GRM5: variants seen among roughly 807,000 people sequenced by gnomAD.
GRM5 encodes the protein metabotropic glutamate receptor 5.
A neutral mutation model predicts 83.1 loss-of-function variants in GRM5; 19 were observed. The ratio of observed to expected loss-of-function variants is 0.23; its 90% CI spans 0.16 to 0.34. The LOEUF (loss-of-function observed/expected upper bound fraction) is 0.34, where lower values mean the gene tolerates loss of function less well. Ranked by LOEUF, GRM5 falls within the 10% of genes least tolerant of loss-of-function variation. The pLI, the probability that GRM5 is intolerant of heterozygous loss-of-function variation, is 1.00. For synonymous variants in GRM5, 675 were observed against 633.6 expected, an observed-to-expected ratio of 1.07 and a Z score of -0.98; for missense variants, 1,160 against 1,588.3, an observed-to-expected ratio of 0.73 and a Z score of 4.58.
At chr11:89,055,855 G>T (rs1195677176) in intron 1 of GRM5, among the ~76,000 whole-genome samples, 2 of 152,054 alleles carry the variant, frequency 1.3e-5, no homozygotes, top group African/African-American at 4.8e-5. Context: ...TATCTCACAT[G>T]AAATGACATT....
At chr11:88,697,312 G>C (rs919076995) in intron 3 of GRM5, among the ~76,000 whole-genome samples, 1 of 152,168 alleles carries the variant, frequency 6.6e-6, no homozygotes, top group African/African-American at 2.4e-5. Flanking sequence ...GTAGTGCCAT[G>C]ATGACCCTTG....
chr11:88,659,748 G>A (rs1056382603), intron 3 of GRM5, among the ~76,000 whole-genome samples: 12 of 152,106 alleles, frequency 7.9e-5, no homozygotes, highest in African/African-American at 2.9e-4. Context: ...ATGCTAACAG[G>A]AATATATAAA....
intron 2 of GRM5, among the ~76,000 whole-genome samples, chr11:89,029,172 G>T (rs1028309271): frequency 1.3e-5 from 2 of 152,114 alleles, no homozygotes; most frequent in South Asian, 2.1e-4. Flanking sequence ...TCCTTATCCA[G>T]TCTATCATTG....
intron 1 of GRM5, among the ~76,000 whole-genome samples, chr11:89,063,090 A>G (rs1352651317): frequency 6.6e-6 from 1 of 152,238 alleles, no homozygotes; most frequent in Non-Finnish European, 1.5e-5. Flanking sequence ...AGATCTATTG[A>G]AAAGCAATTC....
chr11:88,749,074 C>T (rs1192384990), intron 3 of GRM5, among the ~76,000 whole-genome samples: 2 of 152,134 alleles, frequency 1.3e-5, no homozygotes, highest in Non-Finnish European at 2.9e-5. Context: ...CGAGCAAGGA[C>T]CCAGAACTGG....
At chr11:88,897,295 T>C (rs1330754810) in intron 2 of GRM5, among the ~76,000 whole-genome samples, 1 of 151,948 alleles carries the variant, frequency 6.6e-6, no homozygotes, top group East Asian at 1.9e-4. Context: ...GTTCATCCCT[T>C]TTCTTCTGTC....
chr11:88,671,274 C>T (rs1057033902), intron 3 of GRM5, among the ~76,000 whole-genome samples: 1 of 151,920 alleles, frequency 6.6e-6, no homozygotes, highest in Non-Finnish European at 1.5e-5. Context: ...CCAACTCTGC[C>T]ATAAACTTCT....
At chr11:88,553,797 A>G (rs1441503972) in intron 8 of GRM5, among the ~76,000 whole-genome samples, 4 of 152,028 alleles carry the variant, frequency 2.6e-5, no homozygotes, top group Non-Finnish European at 5.9e-5. Flanking sequence ...TGTTGGGGGG[A>G]AAAATACAGT....
intron 2 of GRM5, among the ~76,000 whole-genome samples, chr11:88,889,862 C>CA (rs35214086): frequency 1.6e-4 from 25 of 151,700 alleles, no homozygotes; most frequent in African/African-American, 4.1e-4. Flanking sequence ...AACAAACAAA[C>CA]AAAAAAAACC....
chr11:88,556,324 C>CTTTTCTT (rs1565337272), intron 8 of GRM5, among the ~76,000 whole-genome samples: 306 of 129,752 alleles, frequency 2.4e-3, no homozygotes, highest in African/African-American at 5.7e-3. Flanking sequence ...CTTTTCTTTT[C>CTTTTCTT]TTTTTTTTTT....
intron 2 of GRM5, among the ~76,000 whole-genome samples, chr11:88,854,056 G>GTATATATATATATATATATA (rs1565262477): frequency 5.6e-5 from 1 of 17,772 alleles, no homozygotes; most frequent in African/African-American, 2.0e-4. Flanking sequence ...AAAAAATGTG[G>GTATATATATATATATATATA]TGTATATATA....
At chr11:88,856,031 T>A (rs1226681511) in intron 2 of GRM5, among the ~76,000 whole-genome samples, 2 of 152,034 alleles carry the variant, frequency 1.3e-5, no homozygotes, top group African/African-American at 2.4e-5. Context: ...AAATACTAAA[T>A]CTTTGCAAAG....
At chr11:88,920,839 G>A (rs1945678179) in intron 2 of GRM5, among the ~76,000 whole-genome samples, 1 of 152,100 alleles carries the variant, frequency 6.6e-6, no homozygotes, top group African/African-American at 2.4e-5. Flanking sequence ...AGAGCCCAGT[G>A]ACAATACCTG....
At chr11:88,649,243 C>T (rs541634654) in intron 4 of GRM5, among the ~76,000 whole-genome samples, 1 of 127,156 alleles carries the variant, frequency 7.9e-6, no homozygotes, top group African/African-American at 3.0e-5. Context: ...GTATATATAT[C>T]ACACACATAT....
At chr11:88,902,001 T>G (rs908928694) in intron 2 of GRM5, among the ~76,000 whole-genome samples, 10 of 152,176 alleles carry the variant, frequency 6.6e-5, no homozygotes, top group African/African-American at 2.4e-4. Context: ...GCCATCCTTT[T>G]CTACATTTCT....
chr11:88,721,794 C>A (rs551942905), intron 3 of GRM5, among the ~76,000 whole-genome samples: 1 of 152,228 alleles, frequency 6.6e-6, no homozygotes, highest in African/African-American at 2.4e-5. Context: ...TAGATAAGAA[C>A]ATCCTCTTTT....
intron 3 of GRM5, among the ~76,000 whole-genome samples, chr11:88,795,345 A>G (rs1943257033): frequency 6.6e-6 from 1 of 152,206 alleles, no homozygotes; most frequent in Admixed American, 6.5e-5. Flanking sequence ...ACCCAAGGCC[A>G]AGGAGCCAGT....
chr11:88,614,208 C>A (rs1454195439), intron 4 of GRM5, among the ~76,000 whole-genome samples: 1 of 152,106 alleles, frequency 6.6e-6, no homozygotes, highest in Non-Finnish European at 1.5e-5. Flanking sequence ...TGTTATGTGT[C>A]TTCCTGGCTC....
intron 3 of GRM5, among the ~76,000 whole-genome samples, chr11:88,751,241 A>C (rs1250727744): frequency 1.3e-5 from 2 of 152,102 alleles, no homozygotes; most frequent in African/African-American, 2.4e-5. Flanking sequence ...GAGAAGAATC[A>C]AATAAATACA....
Sources: allele counts gnomAD v4.1 joint callset (sites outside exome capture counted in the v4.1 genomes callset), GRCh38; gene constraint gnomAD v4.1.1; transcripts MANE v1.5; gene names NCBI Gene and HGNC (gene_info 2026-07-23, HGNC 2026-07-21).